Variants in LYN observed in about 807,000 individuals in gnomAD.
LYN encodes tyrosine-protein kinase Lyn.
Under a neutral mutation model 65.0 loss-of-function variants are expected in LYN, and 12 were observed. That is an observed-to-expected ratio of 0.18 (90% confidence interval 0.12 to 0.30). LYN has a LOEUF of 0.30. Ranked by LOEUF, LYN falls within the 10% of genes least tolerant of loss-of-function variation. The pLI is 1.00. For synonymous variants in LYN, 222 were observed against 221.2 expected, an observed-to-expected ratio of 1.00 and a Z score of -0.03; for missense variants, 380 against 623.2, an observed-to-expected ratio of 0.61 and a Z score of 4.16.
chr8:55,917,414 A>G (rs6991715), intron 1 of LYN, among the ~76,000 whole-genome samples: 33,771 of 152,018 alleles, frequency 0.22, 4,006 homozygotes, highest in Middle Eastern at 0.35. Flanking sequence ...GAACTTTTGG[A>G]CTAAACTGAT....
At chr8:55,979,595 C>A (rs1804913670) in intron 10 of LYN, among the ~76,000 whole-genome samples, 1 of 152,106 alleles carries the variant, frequency 6.6e-6, no homozygotes, top group South Asian at 2.1e-4. Context: ...GTAGCCCTTG[C>A]CCCCATTTAA....
intron 1 of LYN, among the ~76,000 whole-genome samples, chr8:55,931,693 T>C (rs1445076686): frequency 6.6e-6 from 1 of 152,062 alleles, no homozygotes; most frequent in Non-Finnish European, 1.5e-5. Flanking sequence ...TCAATAAATA[T>C]ATATGTATTA....
intron 12 of LYN, among the ~76,000 whole-genome samples, chr8:56,003,932 T>TG (rs1225126294): frequency 6.5e-5 from 9 of 138,056 alleles, no homozygotes; most frequent in African/African-American, 2.4e-4. Context: ...TTTATTCTTT[T>TG]TTTTTTTTTT....
At chr8:55,977,332 A>G (rs904662267) in intron 10 of LYN, among the ~76,000 whole-genome samples, 1 of 152,254 alleles carries the variant, frequency 6.6e-6, no homozygotes, top group Non-Finnish European at 1.5e-5. Flanking sequence ...AACAGGACTT[A>G]CAGTTTTACC....
At chr8:55,960,333 T>C (rs1405430745) in intron 8 of LYN, among the ~76,000 whole-genome samples, 1 of 152,134 alleles carries the variant, frequency 6.6e-6, no homozygotes, top group Admixed American at 6.5e-5. Context: ...TAATTGTGCT[T>C]TTCTTCCAGT....
At chr8:55,911,285 A>ATATATT (rs1356941100) in intron 1 of LYN, among the ~76,000 whole-genome samples, 2 of 27,784 alleles carry the variant, frequency 7.2e-5, no homozygotes, top group African/African-American at 1.7e-4. Context: ...ATATATATAT[A>ATATATT]TTTTTTTTTT....
intron 1 of LYN, among the ~76,000 whole-genome samples, chr8:55,908,973 G>T (rs1805506871): frequency 1.7e-5 from 2 of 114,774 alleles, no homozygotes; most frequent in Non-Finnish European, 3.5e-5. Context: ...TGGCTGAATG[G>T]TATTCCATTG....
Position 55,997,822 on chromosome 8 carries a change from C to T in LYN, c.1051-524C>T, listed in dbSNP as rs549628480. Among the ~76,000 whole-genome samples, 24 of 152,308 alleles carry T rather than the reference C, an allele frequency of 1.6e-4. No individual in the cohort carries two copies. The East Asian group carries it at 3.1e-3, about 20-fold the overall frequency. On this transcript the variant is annotated intron_variant, in intron 10 of 12. Transcript: ENST00000519728. ...AGACATGGCCAGGCGCGGTGGCTCA[C>T]GCCTGTAATCCCAGCACTTTGGGAG...
intron 2 of LYN, among the ~76,000 whole-genome samples, chr8:55,942,366 T>C (rs1806642774): frequency 7.0e-6 from 1 of 142,932 alleles, no homozygotes; most frequent in South Asian, 2.2e-4. Context: ...TGTATATATA[T>C]GTGTATATAT....
At chr8:55,908,782 C>T (rs1805501332) in intron 1 of LYN, among the ~76,000 whole-genome samples, 1 of 151,738 alleles carries the variant, frequency 6.6e-6, no homozygotes, top group African/African-American at 2.4e-5. Flanking sequence ...CCTGTCATTC[C>T]ACATTCTGTG....
At chr8:55,962,736 T>G (rs1807322683) in intron 8 of LYN, among the ~76,000 whole-genome samples, 1 of 152,234 alleles carries the variant, frequency 6.6e-6, no homozygotes, top group Non-Finnish European at 1.5e-5. Flanking sequence ...GTTAGTCCAT[T>G]TTGCTTTGCT....
At position 55,983,609 on chromosome 8, in the gene LYN, T is replaced by A. The variant is rs528569572; in HGVS notation, c.1050+13816T>A. ...CAGCAGTGACCCTCAGGACACTACA[T>A]CCAAAGGGCACCCATCTCTCAGCAT... On this transcript the variant is annotated intron_variant, in intron 10 of 12. Transcript: ENST00000519728. 8.8e-5 allele frequency among the ~76,000 whole-genome samples: 12 copies of A among 136,222 alleles called. No individual in the cohort carries two copies. In the East Asian group the frequency reaches 3.1e-3, roughly 35 times the overall value. The allele number at this position is 136,222 out of a possible 152,430, so 89.4% of individuals were successfully genotyped here.
chr8:55,952,478 T>C (rs977990982), intron 7 of LYN, among the ~76,000 whole-genome samples: 1 of 152,116 alleles, frequency 6.6e-6, no homozygotes, highest in Non-Finnish European at 1.5e-5. Flanking sequence ...GAGAATCACT[T>C]GAACACAGGA....
chr8:55,925,589 A>G (rs1390862143), intron 1 of LYN, among the ~76,000 whole-genome samples: 1 of 152,120 alleles, frequency 6.6e-6, no homozygotes, highest in African/African-American at 2.4e-5. Flanking sequence ...CTGTGAACCC[A>G]TTTAAACTCC....
chr8:55,901,377 G>A (rs1235859525), intron 1 of LYN, among the ~76,000 whole-genome samples: 3 of 152,170 alleles, frequency 2.0e-5, no homozygotes, highest in Non-Finnish European at 1.5e-5. Flanking sequence ...CAGTGTAAGT[G>A]ATGGTATTTT....
chr8:55,886,758 A>C (rs1471672532), intron 1 of LYN, among the ~76,000 whole-genome samples: 1 of 152,250 alleles, frequency 6.6e-6, no homozygotes, highest in African/African-American at 2.4e-5. Context: ...GATGCATAAT[A>C]GATATACATA....
intron 1 of LYN, among the ~76,000 whole-genome samples, chr8:55,892,453 TG>T (rs1305125717): frequency 2.0e-5 from 3 of 152,174 alleles, no homozygotes; most frequent in African/African-American, 7.2e-5. Context: ...TTGCATTAGA[TG>T]GCTGTAAAAG....
intron 1 of LYN, among the ~76,000 whole-genome samples, chr8:55,892,380 G>A (rs574599056): frequency 1.3e-5 from 2 of 152,064 alleles, no homozygotes; most frequent in South Asian, 2.1e-4. Context: ...AGACCACGCC[G>A]TTGGACTCCT....
At chr8:55,906,910 T>G (rs1266931583) in intron 1 of LYN, among the ~76,000 whole-genome samples, 2 of 152,160 alleles carry the variant, frequency 1.3e-5, no homozygotes, top group Non-Finnish European at 2.9e-5. Context: ...TCCTGGATCA[T>G]GAATGCTTGC....
Sources: allele counts gnomAD v4.1 joint callset (sites outside exome capture counted in the v4.1 genomes callset), GRCh38; gene constraint gnomAD v4.1.1; transcripts MANE v1.5; gene names NCBI Gene and HGNC (gene_info 2026-07-23, HGNC 2026-07-21).